IL1RAPL1: variants seen among roughly 807,000 people sequenced by gnomAD.
IL1RAPL1 encodes the protein interleukin-1 receptor accessory protein-like 1.
Under a neutral mutation model 48.4 loss-of-function variants are expected in IL1RAPL1, and 3 were observed. The ratio of observed to expected loss-of-function variants is 0.06; its 90% confidence interval spans 0.03 to 0.16. The LOEUF (loss-of-function observed/expected upper bound fraction) is 0.16. Among genes scored for constraint, IL1RAPL1 ranks in the 10% least tolerant of loss-of-function variants. The pLI, the probability that IL1RAPL1 is intolerant of heterozygous loss-of-function variation, is 1.00. For synonymous variants in IL1RAPL1, 185 were observed against 187.7 expected (o/e 0.99, Z 0.12); for missense variants, 349 against 530.6 (o/e 0.66, Z 3.36).
intron 1 of IL1RAPL1, among the ~76,000 whole-genome samples, chrX:28,784,698 G>A (rs1936457281): frequency 9.0e-6 from 1 of 111,627 alleles, no homozygotes. Context: ...TGATTCTAAA[G>A]CGTATTCTCC....
At chrX:29,225,250 TTA>T (rs1359711750) in intron 2 of IL1RAPL1, among the ~76,000 whole-genome samples, 1 of 112,517 alleles carries the variant, frequency 8.9e-6, no homozygotes, top group Non-Finnish European at 1.9e-5. Context: ...ATTTTTATTA[TTA>T]TGTCATTAAA....
intron 6 of IL1RAPL1, among the ~76,000 whole-genome samples, chrX:29,705,583 A>G (rs1927171683): frequency 8.9e-6 from 1 of 112,197 alleles, no homozygotes; most frequent in African/African-American, 3.2e-5. Context: ...TCATAATCCC[A>G]TTTTACAAAT....
At chrX:28,713,583 G>A (rs1481387418) in intron 1 of IL1RAPL1, among the ~76,000 whole-genome samples, 1 of 111,054 alleles carries the variant, frequency 9.0e-6, no homozygotes, top group African/African-American at 3.3e-5. Flanking sequence ...CTTACAGCAG[G>A]AAGGATTGGG....
chrX:28,652,326 A>G (rs1163570367), intron 1 of IL1RAPL1, among the ~76,000 whole-genome samples: 1 of 111,377 alleles, frequency 9.0e-6, no homozygotes, highest in African/African-American at 3.3e-5. Context: ...CACAGAGTGT[A>G]TTGAAGAATG....
chrX:29,772,101 T>C (rs960470991), intron 6 of IL1RAPL1, among the ~76,000 whole-genome samples: 1 of 109,127 alleles, frequency 9.2e-6, no homozygotes, highest in Non-Finnish European at 1.9e-5. Context: ...GAGATTTGGG[T>C]GGAGACACAC....
chrX:29,450,691 T>C (rs1422247688), intron 5 of IL1RAPL1, among the ~76,000 whole-genome samples: 1 of 111,814 alleles, frequency 8.9e-6, no homozygotes, highest in Non-Finnish European at 1.9e-5. Flanking sequence ...AAAATTCATA[T>C]ATTTTATATT....
intron 6 of IL1RAPL1, among the ~76,000 whole-genome samples, chrX:29,902,720 CTTAA>C (rs1315328728): frequency 2.7e-5 from 3 of 111,373 alleles, no homozygotes; most frequent in Admixed American, 9.6e-5. Flanking sequence ...TTTATATTAA[CTTAA>C]TTAACTCCAA....
intron 2 of IL1RAPL1, among the ~76,000 whole-genome samples, chrX:28,954,846 G>A (rs1001270749): frequency 3.6e-5 from 4 of 111,435 alleles, no homozygotes; most frequent in African/African-American, 1.3e-4. Flanking sequence ...GAGAAATACA[G>A]TAAAGACATA....
chrX:28,700,753 T>A (rs774138164), intron 1 of IL1RAPL1, among the ~76,000 whole-genome samples: 1 of 110,597 alleles, frequency 9.0e-6, no homozygotes, highest in African/African-American at 3.3e-5. Context: ...CCTCCCTGTA[T>A]CCACATGTTC....
At chrX:29,535,134 C>CA (rs35842937) in intron 5 of IL1RAPL1, among the ~76,000 whole-genome samples, 3,480 of 22,519 alleles carry the variant, frequency 0.15, 695 homozygotes, top group South Asian at 0.28. Flanking sequence ...ACTCTGTCTC[C>CA]AAAAAAAAAA....
intron 1 of IL1RAPL1, among the ~76,000 whole-genome samples, chrX:28,788,268 A>T (rs1017922780): frequency 9.0e-6 from 1 of 110,503 alleles, no homozygotes; most frequent in Admixed American, 9.6e-5. Flanking sequence ...AACATATCCA[A>T]CTTTGTGAAT....
intron 2 of IL1RAPL1, among the ~76,000 whole-genome samples, chrX:28,889,067 C>T (rs905423297): frequency 6.3e-5 from 7 of 111,233 alleles, no homozygotes; most frequent in Non-Finnish European, 1.1e-4. Context: ...TAGTATTTTT[C>T]ACTTCATAGA....
At chrX:29,798,271 G>C (rs1424332304) in intron 6 of IL1RAPL1, among the ~76,000 whole-genome samples, 1 of 111,968 alleles carries the variant, frequency 8.9e-6, no homozygotes, top group Middle Eastern at 4.6e-3. Context: ...CCAAAGTTTA[G>C]AGTCATTGCC....
At chrX:29,548,467 A>G (rs1246245094) in intron 5 of IL1RAPL1, among the ~76,000 whole-genome samples, 2 of 112,513 alleles carry the variant, frequency 1.8e-5, no homozygotes, top group Non-Finnish European at 3.8e-5. Flanking sequence ...TGTTAAATTT[A>G]CCCATATGTT....
At chrX:28,982,379 T>C (rs1277120400) in intron 2 of IL1RAPL1, among the ~76,000 whole-genome samples, 1 of 112,146 alleles carries the variant, frequency 8.9e-6, no homozygotes, top group Non-Finnish European at 1.9e-5. Context: ...TCATTTATAA[T>C]GTGGGGATAA....
chrX:28,592,594 A>T (rs756515101), intron 1 of IL1RAPL1, among the ~76,000 whole-genome samples: 2 of 112,139 alleles, frequency 1.8e-5, no homozygotes, highest in South Asian at 7.4e-4. Flanking sequence ...CAAAGAGGAT[A>T]GTTTAGTGAT....
chrX:28,792,963 T>A (rs953572377), intron 2 of IL1RAPL1, among the ~76,000 whole-genome samples: 1 of 102,226 alleles, frequency 9.8e-6, no homozygotes, highest in Non-Finnish European at 2.0e-5. Flanking sequence ...GTATGACAAC[T>A]AAGGACTATA....
intron 5 of IL1RAPL1, among the ~76,000 whole-genome samples, chrX:29,452,535 A>C (rs1204548607): frequency 8.9e-6 from 1 of 111,749 alleles, no homozygotes; most frequent in East Asian, 2.8e-4. Context: ...CAATACAGAA[A>C]ATGATATGTT....
intron 2 of IL1RAPL1, among the ~76,000 whole-genome samples, chrX:28,853,516 C>T (rs1195372802): frequency 1.8e-5 from 2 of 110,922 alleles, no homozygotes; most frequent in Non-Finnish European, 3.8e-5. Flanking sequence ...CACACACTCT[C>T]ACTCATGCTT....
Sources: allele counts gnomAD v4.1 joint callset (sites outside exome capture counted in the v4.1 genomes callset), GRCh38; gene constraint gnomAD v4.1.1; transcripts MANE v1.5; gene names NCBI Gene and HGNC (gene_info 2026-07-23, HGNC 2026-07-21).